Variants in PDE7B observed in about 807,000 individuals in gnomAD.
The protein encoded by PDE7B is 3',5'-cyclic-AMP phosphodiesterase 7B.
In PDE7B, 29 loss-of-function variants were observed where a neutral mutation model predicts 56.2. The observed-to-expected ratio is 0.52, with a 90% CI of 0.38 to 0.70. The LOEUF (loss-of-function observed/expected upper bound fraction) is 0.70. Among genes scored for constraint, PDE7B ranks in the 30% least tolerant of loss-of-function variants. The pLI is 0.00. For missense variants in PDE7B, 490 were observed against 565.0 expected (o/e 0.87, Z 1.35); for synonymous variants, 197 against 196.9 (o/e 1.00, Z 0.00).
intron 1 of PDE7B, among the ~76,000 whole-genome samples, chr6:135,913,553 A>C (rs1370038421): frequency 6.6e-6 from 1 of 152,134 alleles, no homozygotes. Flanking sequence ...TCATATTAAC[A>C]TCCTACCAAT....
intron 2 of PDE7B, among the ~76,000 whole-genome samples, chr6:136,020,432 A>G (rs973900390): frequency 1.3e-5 from 2 of 152,246 alleles, no homozygotes; most frequent in Admixed American, 1.3e-4. Context: ...CGCATATGTT[A>G]TACCACTTAA....
At chr6:136,166,949 G>A (rs1375899764) in intron 8 of PDE7B, among the ~76,000 whole-genome samples, 2 of 152,182 alleles carry the variant, frequency 1.3e-5, no homozygotes, top group Non-Finnish European at 2.9e-5. Flanking sequence ...CTGGTCTGGT[G>A]TCTCATGACC....
At chr6:135,925,696 C>T (rs912086192) in intron 1 of PDE7B, among the ~76,000 whole-genome samples, 4 of 152,168 alleles carry the variant, frequency 2.6e-5, no homozygotes, top group African/African-American at 9.7e-5. Context: ...GGTTGAATAA[C>T]ATTTACAATT....
At chr6:136,098,144 G>T (rs944857221) in intron 2 of PDE7B, 5 of 129,224 alleles carry the variant, frequency 3.9e-5, no homozygotes, top group African/African-American at 9.5e-5. Flanking sequence ...GGGGGGGGGG[G>T]GGGAAATATA....
At chr6:136,120,136 G>A (rs1485930767) in intron 3 of PDE7B, among the ~76,000 whole-genome samples, 1 of 152,190 alleles carries the variant, frequency 6.6e-6, no homozygotes, top group East Asian at 1.9e-4. Flanking sequence ...ACAGATATTA[G>A]TATTCCCATT....
At chr6:135,941,880 G>C (rs1418432436) in intron 1 of PDE7B, among the ~76,000 whole-genome samples, 1 of 152,134 alleles carries the variant, frequency 6.6e-6, no homozygotes, top group Non-Finnish European at 1.5e-5. Context: ...TCTCTAAAAA[G>C]ATTAGTTGCT....
At chr6:136,147,664 A>C (rs575264587) in intron 4 of PDE7B, among the ~76,000 whole-genome samples, 162 bp downstream of exon 4, 9 of 152,208 alleles carry the variant, frequency 5.9e-5, no homozygotes, top group Non-Finnish European at 1.0e-4. Context: ...AGAAAATGAA[A>C]TTAACAGAAA....
At chr6:136,012,847 C>T (rs1330920437) in intron 2 of PDE7B, 8 of 152,244 alleles carry the variant, frequency 5.3e-5, no homozygotes, top group East Asian at 1.9e-4. Flanking sequence ...AAAGTAATTT[C>T]CCCCCTTTTA....
chr6:135,995,049 T>G (rs1583817285), intron 2 of PDE7B, among the ~76,000 whole-genome samples: 1 of 152,220 alleles, frequency 6.6e-6, no homozygotes, highest in Middle Eastern at 3.4e-3. Context: ...CCATCCTGCT[T>G]CTTCATGTCC....
intron 1 of PDE7B, among the ~76,000 whole-genome samples, chr6:135,876,827 C>A (rs1286726598): frequency 1.3e-5 from 2 of 151,908 alleles, no homozygotes; most frequent in East Asian, 3.9e-4. Flanking sequence ...CCACTGCGCT[C>A]CAGCCTGGGT....
At chr6:135,875,939 G>A (rs1164875855) in intron 1 of PDE7B, among the ~76,000 whole-genome samples, 1 of 152,120 alleles carries the variant, frequency 6.6e-6, no homozygotes, top group Non-Finnish European at 1.5e-5. Flanking sequence ...TCTCTCTGTG[G>A]TGGTTCAGGT....
rs568254920 is a variant in PDE7B at position 136,132,272 on chromosome 6, T to G, written c.167-15079T>G. Reference sequence around the variant, plus strand: ...AGTTTGGCTACTTTACTATACCTTTTTTTTAAAGTACCAAAACTTTAAATC... The same window carrying G: ...AGTTTGGCTACTTTACTATACCTTTGTTTTAAAGTACCAAAACTTTAAATC... On this transcript the variant is annotated intron_variant, in intron 3 of 12. Transcript: ENST00000308191. 5.9e-5 allele frequency among the ~76,000 whole-genome samples: 9 copies of G among 152,262 alleles called. No individual in the cohort carries two copies. In the South Asian group the frequency reaches 1.4e-3, roughly 25 times the overall value.
chr6:136,167,571 C>A (rs576674623), intron 8 of PDE7B, among the ~76,000 whole-genome samples: 132 of 152,262 alleles, frequency 8.7e-4, no homozygotes, highest in African/African-American at 2.8e-3. Flanking sequence ...ACTGTAAGTC[C>A]ATTGAACCTC....
chr6:135,884,143 C>T (rs1775660905), intron 1 of PDE7B, among the ~76,000 whole-genome samples: 1 of 152,112 alleles, frequency 6.6e-6, no homozygotes, highest in South Asian at 2.1e-4. Flanking sequence ...CCAGTACTGT[C>T]CATGTGGGAT....
chr6:135,955,624 A>C (rs538897436), intron 2 of PDE7B, among the ~76,000 whole-genome samples: 1 of 152,278 alleles, frequency 6.6e-6, no homozygotes, highest in African/African-American at 2.4e-5. Context: ...GGAGATACAC[A>C]CTTTAGACAG....
At chr6:136,030,471 T>TTG (rs377407462) in intron 2 of PDE7B, among the ~76,000 whole-genome samples, 9 of 152,092 alleles carry the variant, frequency 5.9e-5, no homozygotes, top group Non-Finnish European at 1.2e-4. Flanking sequence ...TGTGCATGTG[T>TTG]TGTGTGTGTG....
intron 3 of PDE7B, among the ~76,000 whole-genome samples, chr6:136,132,509 C>CTTCATCTGTA (rs2128444839): frequency 6.6e-6 from 1 of 152,262 alleles, no homozygotes; most frequent in East Asian, 1.9e-4. Context: ...TTAAACCTTT[C>CTTCATCTGTA]CAAACTCATT....
chr6:135,992,444 T>A (rs941903838), intron 2 of PDE7B, among the ~76,000 whole-genome samples: 1 of 152,192 alleles, frequency 6.6e-6, no homozygotes, highest in African/African-American at 2.4e-5. Flanking sequence ...ATATCATTAA[T>A]TTGCATTTCA....
At chr6:136,081,190 A>T (rs1777202125) in intron 2 of PDE7B, among the ~76,000 whole-genome samples, 1 of 152,152 alleles carries the variant, frequency 6.6e-6, no homozygotes, top group Non-Finnish European at 1.5e-5. Context: ...TTTCAGAGAG[A>T]TTACTGCAGT....
Sources: allele counts gnomAD v4.1 joint callset (sites outside exome capture counted in the v4.1 genomes callset), GRCh38; gene constraint gnomAD v4.1.1; transcripts MANE v1.5; gene names NCBI Gene and HGNC (gene_info 2026-07-23, HGNC 2026-07-21).